The following PPARGC1A variants were observed in gnomAD, a reference collection of about 807,000 sequenced individuals.
PPARGC1A encodes PPARG coactivator 1 alpha.
A neutral mutation model predicts 88.7 loss-of-function variants in PPARGC1A; 25 were observed. The ratio of observed to expected loss-of-function variants is 0.28; its 90% CI spans 0.21 to 0.39. The LOEUF (loss-of-function observed/expected upper bound fraction) is 0.39, where lower values mean the gene tolerates loss of function less well. Among genes scored for constraint, PPARGC1A ranks in the 10% least tolerant of loss-of-function variants. The pLI is 1.00. For missense variants in PPARGC1A, 880 were observed against 968.7 expected (o/e 0.91, Z 1.22); for synonymous variants, 363 against 355.6 (o/e 1.02, Z -0.24).
chr4:24,069,233 C>G, the PPARGC1A span, among the ~76,000 whole-genome samples: 1 of 152,132 alleles, frequency 6.6e-6, no homozygotes, highest in African/African-American at 2.4e-5. Flanking sequence ...TAAATTTGAT[C>G]CTGTCTCCCT....
chr4:24,018,503 G>T, the PPARGC1A span, among the ~76,000 whole-genome samples: 1 of 152,052 alleles, frequency 6.6e-6, no homozygotes, highest in Admixed American at 6.6e-5. Flanking sequence ...ATGAGGGGGG[G>T]CAAACCATGC....
chr4:24,282,803 C>A, the PPARGC1A span, among the ~76,000 whole-genome samples: 249 of 152,300 alleles, frequency 1.6e-3, 6 homozygotes, highest in East Asian at 0.033. Context: ...AATGACTGTT[C>A]TTCCATCTGA....
the PPARGC1A span, among the ~76,000 whole-genome samples, chr4:24,313,130 G>A: frequency 6.6e-6 from 1 of 152,166 alleles, no homozygotes; most frequent in Non-Finnish European, 1.5e-5. Flanking sequence ...TTCTTTAAGT[G>A]CATCAGAAAT....
the PPARGC1A span, among the ~76,000 whole-genome samples, chr4:24,016,808 G>T: frequency 1.2e-4 from 18 of 152,276 alleles, 1 homozygote; most frequent in South Asian, 3.5e-3. Flanking sequence ...TACACCAATA[G>T]ATCTAAATGG....
At chr4:24,049,192 CTATATATACACACATATATATAAATA>C in the PPARGC1A span, among the ~76,000 whole-genome samples, 3 of 145,614 alleles carry the variant, frequency 2.1e-5, no homozygotes, top group Admixed American at 7.0e-5. Context: ...CTGTCTCTCT[CTATATATACACACATATATATAAATA>C]TATATATACA....
At chr4:24,350,946 A>G in the PPARGC1A span, among the ~76,000 whole-genome samples, 1 of 150,898 alleles carries the variant, frequency 6.6e-6, no homozygotes, top group Non-Finnish European at 1.5e-5. Flanking sequence ...CCTGGATAAC[A>G]TAGTGAGATC....
chr4:24,281,736 T>C, the PPARGC1A span, among the ~76,000 whole-genome samples: 1 of 152,318 alleles, frequency 6.6e-6, no homozygotes, highest in South Asian at 2.1e-4. Context: ...GCAGAGATCA[T>C]GCCTCTGTTT....
the PPARGC1A span, among the ~76,000 whole-genome samples, chr4:23,938,303 G>A: frequency 6.6e-6 from 1 of 152,156 alleles, no homozygotes; most frequent in Non-Finnish European, 1.5e-5. Context: ...GAAGGTAGAG[G>A]CACCAAGGTA....
chr4:24,036,030 A>AG, the PPARGC1A span, among the ~76,000 whole-genome samples: 3 of 152,188 alleles, frequency 2.0e-5, no homozygotes, highest in Non-Finnish European at 4.4e-5. Context: ...CAGACTACCT[A>AG]GGTTCCAATC....
chr4:24,170,314 C>T, the PPARGC1A span, among the ~76,000 whole-genome samples: 9 of 152,220 alleles, frequency 5.9e-5, no homozygotes, highest in Admixed American at 4.6e-4. Flanking sequence ...ACCTTAAATG[C>T]CTTGGGTATT....
chr4:23,878,343 G>A (rs796854614), intron 2 of PPARGC1A, among the ~76,000 whole-genome samples: 1 of 140,324 alleles, frequency 7.1e-6, no homozygotes, highest in African/African-American at 2.8e-5. Context: ...CCGAATCAAC[G>A]TCCATAAAAA....
At chr4:24,180,701 G>T in the PPARGC1A span, among the ~76,000 whole-genome samples, 1 of 152,088 alleles carries the variant, frequency 6.6e-6, no homozygotes, top group Non-Finnish European at 1.5e-5. Flanking sequence ...GCAACTTGAG[G>T]TTGGGCATGG....
At chr4:23,918,066 A>C in the PPARGC1A span, among the ~76,000 whole-genome samples, 2 of 152,132 alleles carry the variant, frequency 1.3e-5, no homozygotes, top group Admixed American at 6.5e-5. Flanking sequence ...TTAGCTTATA[A>C]AACTCTGGCC....
the PPARGC1A span, among the ~76,000 whole-genome samples, chr4:24,416,831 G>A: frequency 1.3e-5 from 2 of 152,178 alleles, no homozygotes; most frequent in Admixed American, 1.3e-4. Context: ...AGGAGTTTGA[G>A]ACCAGCCTGG....
chr4:24,411,108 C>T, the PPARGC1A span, among the ~76,000 whole-genome samples: 9 of 152,280 alleles, frequency 5.9e-5, no homozygotes, highest in Admixed American at 4.6e-4. Flanking sequence ...TTAATGACAA[C>T]TCTTCTCAGA....
chr4:23,847,818 A>T (rs552989308), intron 2 of PPARGC1A, among the ~76,000 whole-genome samples: 4 of 152,334 alleles, frequency 2.6e-5, no homozygotes, highest in African/African-American at 9.6e-5. Flanking sequence ...ATATTACAAG[A>T]AGGTGAGATT....
At chr4:24,248,272 C>T in the PPARGC1A span, among the ~76,000 whole-genome samples, 2 of 152,094 alleles carry the variant, frequency 1.3e-5, no homozygotes, top group Admixed American at 6.5e-5. Context: ...CTACAGGCGC[C>T]CGCCACCACG....
At chr4:24,247,311 A>T in the PPARGC1A span, among the ~76,000 whole-genome samples, 1 of 152,196 alleles carries the variant, frequency 6.6e-6, no homozygotes, top group Non-Finnish European at 1.5e-5. Flanking sequence ...AAGAAACTAG[A>T]AATATCAGTA....
At chr4:23,844,862 G>GATATATATTATTATAATATATT (rs1728006718) in intron 2 of PPARGC1A, among the ~76,000 whole-genome samples, 1 of 91,804 alleles carries the variant, frequency 1.1e-5, no homozygotes, top group African/African-American at 4.2e-5. Context: ...TATAATATAT[G>GATATATATTATTATAATATATT]ATATATATTA....
Sources: gnomAD v4.1 joint callset for allele counts (sites outside exome capture counted in the v4.1 genomes callset) on GRCh38, gnomAD v4.1.1 for gene constraint, MANE v1.5 for transcripts, NCBI Gene and HGNC (gene_info 2026-07-23, HGNC 2026-07-21) for gene names.